Variants in KLHL18 observed in about 807,000 individuals in gnomAD.
KLHL18 encodes kelch-like protein 18.
KLHL18 carries 38 observed loss-of-function variants against 58.5 expected under a neutral mutation model. The ratio of observed to expected loss-of-function variants is 0.65; its 90% confidence interval spans 0.50 to 0.85. The LOEUF is 0.85. Ranked by LOEUF, KLHL18 falls within the 40% of genes least tolerant of loss-of-function variation. KLHL18 has a pLI of 0.00. For synonymous variants in KLHL18, 303 were observed against 301.9 expected, an observed-to-expected ratio of 1.00 and a Z score of -0.04; for missense variants, 624 against 778.4, an observed-to-expected ratio of 0.80 and a Z score of 2.36.
intron 1 of KLHL18, among the ~76,000 whole-genome samples, chr3:47,284,337 CTTTTT>C (rs767276527): frequency 9.4e-5 from 12 of 127,146 alleles, no homozygotes; most frequent in East Asian, 7.0e-4. Context: ...TTTCTTTTTT[CTTTTT>C]TTTTTTTTTT....
intron 1 of KLHL18, among the ~76,000 whole-genome samples, chr3:47,318,250 A>G (rs1198531916): frequency 6.6e-6 from 1 of 152,170 alleles, no homozygotes; most frequent in Non-Finnish European, 1.5e-5. Context: ...GACATTTCTC[A>G]CAAAGTTGCT....
intron 3 of KLHL18, among the ~76,000 whole-genome samples, chr3:47,329,419 G>A (rs1703801914): frequency 6.6e-6 from 1 of 152,102 alleles, no homozygotes; most frequent in Non-Finnish European, 1.5e-5. Flanking sequence ...AGTAGAGACG[G>A]GGTTTCACCG....
Position 47,344,155 on chromosome 3 carries a change from A to G in KLHL18, c.*214A>G, listed in dbSNP as rs1342760538. On this transcript the variant is annotated 3_prime_UTR_variant, in exon 10 of 10. Coordinates refer to ENST00000232766, the MANE Select transcript of KLHL18 (RefSeq NM_025010.5). The stretch of plus-strand genomic sequence containing the variant: ...ATCAAGATGCACAGCATGGAACACA[A>G]GCTCCTCTGGATCCTGCAGCTGGTG... 1 of 593,594 alleles carries G rather than the reference A, an allele frequency of 1.7e-6. No individual in the cohort carries two copies. The highest frequency in any genetic ancestry group is 2.9e-6 in the Non-Finnish European group (1 of 340,880). The allele number at this position is 593,594 out of a possible 1,614,324, so 36.8% of individuals were successfully genotyped here.
intron 1 of KLHL18, among the ~76,000 whole-genome samples, chr3:47,316,549 A>G (rs1406609046): frequency 1.9e-3 from 24 of 12,548 alleles, no homozygotes; most frequent in Middle Eastern, 0.1. Flanking sequence ...ACATATATAC[A>G]TATATACATA....
At chr3:47,290,619 G>A (rs558169579) in intron 1 of KLHL18, among the ~76,000 whole-genome samples, 132 of 152,096 alleles carry the variant, frequency 8.7e-4, no homozygotes, top group Middle Eastern at 6.8e-3. Flanking sequence ...ATGCCACCAC[G>A]CCTGGCTAAT....
chr3:47,305,214 C>A (rs1190023005), intron 1 of KLHL18, among the ~76,000 whole-genome samples: 1 of 151,512 alleles, frequency 6.6e-6, no homozygotes, highest in Non-Finnish European at 1.5e-5. Context: ...GGTGAGCGTT[C>A]AGTGTTTTAC....
intron 3 of KLHL18, among the ~76,000 whole-genome samples, chr3:47,327,255 A>G (rs570658363): frequency 2.0e-5 from 3 of 151,548 alleles, no homozygotes; most frequent in East Asian, 1.9e-4. Flanking sequence ...AACAAAAGGG[A>G]AAAAAAAAGG....
At chr3:47,285,386 G>A (rs779781486) in intron 1 of KLHL18, among the ~76,000 whole-genome samples, 8 of 152,244 alleles carry the variant, frequency 5.3e-5, no homozygotes, top group South Asian at 2.1e-4. Context: ...ATAGAGACTA[G>A]TGAAAAGCAG....
chr3:47,342,801 G>A lies in KLHL18; in HGVS notation c.1309G>A (p.Gly437Ser), dbSNP rs536424949. Residue 437 changes from glycine (G) to serine (S), a missense_variant, in exon 9 of 10, where the codon GGC becomes AGC. Gly to Ser is a moderately conservative substitution (Grantham distance 56). Coordinates refer to ENST00000232766, the MANE Select transcript of KLHL18 (RefSeq NM_025010.5). ...VFEGRIYVSG[G>S]HDGLQIFSSV... ...TGAGGGCAGGATATATGTGTCAGGC[G>A]GCCATGATGGTTTGCAGATCTTCAG... 2 of 1,614,142 alleles carry A rather than the reference G, an allele frequency of 1.2e-6. No homozygotes were observed. Among genetic ancestry groups the A allele is most frequent in the East Asian group, 2.2e-5 (1 of 44,886 alleles).
intron 1 of KLHL18, among the ~76,000 whole-genome samples, chr3:47,294,755 G>A (rs1170740881): frequency 6.6e-6 from 1 of 152,162 alleles, no homozygotes; most frequent in African/African-American, 2.4e-5. Flanking sequence ...TAAAAAATCA[G>A]GGCAGGGTGT....
At chr3:47,283,267 T>G (rs1395763445) in intron 1 of KLHL18, 173 bp downstream of exon 1, 363 of 563,438 alleles carry the variant, frequency 6.4e-4, no homozygotes, top group South Asian at 1.7e-3. Flanking sequence ...CGGGGCCGAG[T>G]GGGGAGAGGA....
At chr3:47,284,070 A>C (rs929791715) in intron 1 of KLHL18, among the ~76,000 whole-genome samples, 2 of 152,106 alleles carry the variant, frequency 1.3e-5, no homozygotes, top group African/African-American at 4.8e-5. Context: ...CTGTCTCTAC[A>C]AATAATAAAA....
intron 1 of KLHL18, chr3:47,283,338 G>A: frequency 1.9e-6 from 1 of 533,390 alleles, no homozygotes; most frequent in East Asian, 3.1e-5. Flanking sequence ...TAGGCCCTTG[G>A]AGTGGGAGAC....
At chr3:47,333,490 G>A (rs754739388) in intron 5 of KLHL18, among the ~76,000 whole-genome samples, 173 bp downstream of exon 5, 2 of 152,222 alleles carry the variant, frequency 1.3e-5, no homozygotes, top group Non-Finnish European at 1.5e-5. Context: ...TGAAGAGCCC[G>A]AATCTTATGC....
At chr3:47,308,775 T>G (rs1703210947) in intron 1 of KLHL18, among the ~76,000 whole-genome samples, 1 of 141,432 alleles carries the variant, frequency 7.1e-6, no homozygotes, top group Non-Finnish European at 1.6e-5. Flanking sequence ...TGTTGCCATC[T>G]TTTTTTTTTT....
Position 47,334,961 on chromosome 3 carries a change from AC to A in KLHL18, c.898+143del. ...CCTCTTGATTTTATACAATTGCTCT[AC>A]AGTTAGAGCATGTCACATATTCATG... On this transcript the variant is annotated intron_variant, in intron 6 of 9. Coordinates refer to ENST00000232766, the MANE Select transcript of KLHL18 (RefSeq NM_025010.5). The surrounding 1 kb of genome is among the most constrained non-coding windows in gnomAD (Gnocchi z 4.7). The A allele has an allele frequency of 3.5e-5, 28 of 804,060 alleles. No homozygotes were observed. The highest frequency in any genetic ancestry group is 4.6e-5 in the Non-Finnish European group (24 of 516,726). The allele number at this position is 804,060 out of a possible 1,614,324, so 49.8% of individuals were successfully genotyped here.
intron 1 of KLHL18, among the ~76,000 whole-genome samples, chr3:47,317,052 G>T (rs1272396720): frequency 6.6e-6 from 1 of 152,018 alleles, no homozygotes; most frequent in Non-Finnish European, 1.5e-5. Flanking sequence ...TAAGCTTGAG[G>T]GTAGTAAAGA....
chr3:47,332,644 G>A (rs1424075074), intron 4 of KLHL18, among the ~76,000 whole-genome samples: 2 of 152,094 alleles, frequency 1.3e-5, no homozygotes, highest in Non-Finnish European at 2.9e-5. Flanking sequence ...CATTTCATAA[G>A]GGCTGTAGGG....
chr3:47,320,651 CT>C (rs1703563980), intron 2 of KLHL18, among the ~76,000 whole-genome samples: 1 of 152,170 alleles, frequency 6.6e-6, no homozygotes, highest in Admixed American at 6.5e-5. Context: ...GGCAAGGTGG[CT>C]CACACCTGAA....
Sources: gnomAD v4.1 joint callset for allele counts (sites outside exome capture counted in the v4.1 genomes callset) on GRCh38, gnomAD v4.1.1 for gene constraint, Gnocchi (gnomAD v3.1) non-coding constraint, MANE v1.5 for transcripts, NCBI Gene and HGNC (gene_info 2026-07-23, HGNC 2026-07-21) for gene names.